PPM1D: variants seen among roughly 807,000 people sequenced by gnomAD.
PPM1D encodes protein phosphatase, Mg2+/Mn2+ dependent 1D.
A neutral mutation model predicts 58.3 loss-of-function variants in PPM1D; 52 were observed. The observed-to-expected ratio is 0.89, with a 90% confidence interval of 0.71 to 1.12. The LOEUF is 1.12. PPM1D is among the 50% of genes most tolerant of loss of function. The pLI, the probability that PPM1D is intolerant of heterozygous loss-of-function variation, is 0.00. For synonymous variants in PPM1D, 278 were observed against 285.1 expected (o/e 0.98, Z 0.25); for missense variants, 564 against 777.2 (o/e 0.73, Z 3.26).
At chr17:60,602,841 G>A (rs1251589266) in intron 1 of PPM1D, among the ~76,000 whole-genome samples, 2 of 149,096 alleles carry the variant, frequency 1.3e-5, no homozygotes, top group Non-Finnish European at 3.0e-5. Flanking sequence ...AGGAAACGAA[G>A]GTTTAAATTT....
chr17:60,642,324 A>T (rs929548821), intron 3 of PPM1D, among the ~76,000 whole-genome samples: 1 of 151,772 alleles, frequency 6.6e-6, no homozygotes, highest in Non-Finnish European at 1.5e-5. Context: ...CTATATAGAG[A>T]TAAAAAATTG....
intron 2 of PPM1D, among the ~76,000 whole-genome samples, chr17:60,628,197 G>A (rs1425787214): frequency 6.6e-6 from 1 of 152,146 alleles, no homozygotes; most frequent in Non-Finnish European, 1.5e-5. Context: ...AAAAATTAAT[G>A]ACTTTAATTT....
At chr17:60,655,685 T>C (rs1233763184) in intron 4 of PPM1D, among the ~76,000 whole-genome samples, 5 of 150,542 alleles carry the variant, frequency 3.3e-5, no homozygotes, top group Non-Finnish European at 5.9e-5. Context: ...CTTTTTCTTT[T>C]CTTTTTTTCT....
chr17:60,627,529 C>T (rs1212560963), intron 2 of PPM1D, among the ~76,000 whole-genome samples: 2 of 151,718 alleles, frequency 1.3e-5, no homozygotes, highest in Non-Finnish European at 2.9e-5. Flanking sequence ...TCAAGCGATT[C>T]TCCTGCCTCA....
rs905647626 is a variant in PPM1D at position 60,600,265 on chromosome 17, A to G, written c.-150A>G. On this transcript the variant is annotated 5_prime_UTR_variant, in exon 1 of 6. Transcript: ENST00000305921. ...CCAGCTCTCGCGGACAAGTCCAGAC[A>G]TCGCGCGCCCCCCCTTCTCCGGGTC... 3.6e-6 allele frequency: 5 copies of G among 1,404,160 alleles called. No homozygotes were observed. The highest frequency in any genetic ancestry group is 5.2e-5 in the East Asian group (2 of 38,562). The allele number at this position is 1,404,160 out of a possible 1,614,324, so 87.0% of individuals were successfully genotyped here. A position where few individuals can be genotyped will look rare whatever the true frequency, so the allele number is the denominator to read the frequency against.
chr17:60,645,688 G>A lies in PPM1D; in HGVS notation c.827-2204G>A, dbSNP rs1212615459. On this transcript the variant is annotated intron_variant, in intron 3 of 5. Coordinates refer to ENST00000305921, the MANE Select transcript of PPM1D (RefSeq NM_003620.4). ...CACACACACATATACATATACATAT[G>A]TAGGTAGGTAGATAGGTATCTCCAG... Among the ~76,000 whole-genome samples the A allele has an allele frequency of 3.5e-5, 5 of 144,688 alleles. No individual in the cohort carries two copies. The East Asian group carries it at 1.0e-3, about 29-fold the overall frequency. 94.9% of individuals were successfully genotyped at this position (144,688 alleles called of 152,430 possible).
intron 4 of PPM1D, among the ~76,000 whole-genome samples, chr17:60,648,795 G>A (rs2031294071): frequency 1.4e-5 from 2 of 138,608 alleles, no homozygotes; most frequent in Admixed American, 7.6e-5. Flanking sequence ...TCAGTGTCTC[G>A]CTCTGTTACC....
Position 60,663,370 on chromosome 17 carries a change from CT to C in PPM1D, c.1637del (p.Leu546ArgfsTer2), listed in dbSNP as rs1382039751. 4 of 1,614,160 alleles carry C rather than the reference CT, an allele frequency of 2.5e-6. No homozygotes were observed. The highest frequency in any genetic ancestry group is 3.4e-6 in the Non-Finnish European group (4 of 1,180,024). ...ATTAGAAGAGTCCAATTCTGGCCCC[CT>C]GATGAAGAAGCATAGACGAAATGGC... ...RTLEESNSGP[L>X]MKKHRRNGLS... On this transcript the variant is annotated frameshift_variant, in exon 6 of 6. Transcript: ENST00000305921. LOFTEE classifies it high-confidence loss of function.
intron 2 of PPM1D, among the ~76,000 whole-genome samples, chr17:60,633,594 G>A (rs1467290992): frequency 6.6e-6 from 1 of 151,338 alleles, no homozygotes; most frequent in African/African-American, 2.4e-5. Flanking sequence ...TTTTGACATG[G>A]TATTTATACT....
In PPM1D at chr17:60,603,537, C is replaced by CG. The variant is rs2030265283; in HGVS notation, c.472+2652dup. On this transcript the variant is annotated intron_variant, in intron 1 of 5. Coordinates refer to ENST00000305921, the MANE Select transcript of PPM1D (RefSeq NM_003620.4). Reference sequence around the variant, plus strand: ...CAGCACTTTGGGACACAAAGGCAGGCGAATCACCTGAGGTCAGGAGTTTGA... The same window carrying CG: ...CAGCACTTTGGGACACAAAGGCAGGCGGAATCACCTGAGGTCAGGAGTTTGA... Among the ~76,000 whole-genome samples, 3 of 152,202 alleles carry CG rather than the reference C, an allele frequency of 2.0e-5. No homozygotes were observed. In the South Asian group the frequency reaches 6.2e-4, roughly 32 times the overall value.
intron 4 of PPM1D, among the ~76,000 whole-genome samples, chr17:60,651,401 G>GTTT (rs1218606024): frequency 3.6e-5 from 5 of 139,116 alleles, no homozygotes; most frequent in African/African-American, 1.3e-4. Context: ...AGTGTTTTTG[G>GTTT]TTTTTTTTTT....
chr17:60,638,910 T>A (rs983035155), intron 3 of PPM1D, among the ~76,000 whole-genome samples: 2 of 152,174 alleles, frequency 1.3e-5, no homozygotes, highest in Non-Finnish European at 2.9e-5. Flanking sequence ...AGTACAAATG[T>A]AGCAAAGGTG....
rs951967672 is a variant in PPM1D, at chr17:60,665,947, C to T, written c.*2395C>T. 2 of 152,220 alleles carry T rather than the reference C, an allele frequency of 1.3e-5. No individual in the cohort carries two copies. Among genetic ancestry groups the T allele is most frequent in the Non-Finnish European group, 2.9e-5 (2 of 68,046 alleles). 9.4% of individuals were successfully genotyped at this position (152,220 alleles called of 1,614,324 possible). On this transcript the variant is annotated 3_prime_UTR_variant, in exon 6 of 6. Transcript: ENST00000305921. Reference sequence around the variant, plus strand: ...GCCATGATGTTTTTTGTAACCTAGCCTCTGAAAGTGTCATACCAATTCTGT... The same window carrying T: ...GCCATGATGTTTTTTGTAACCTAGCTTCTGAAAGTGTCATACCAATTCTGT...
chr17:60,610,314 ATTC>A (rs2030429058), intron 1 of PPM1D, among the ~76,000 whole-genome samples: 1 of 151,980 alleles, frequency 6.6e-6, no homozygotes, highest in Non-Finnish European at 1.5e-5. Context: ...GTACTACTCT[ATTC>A]TTCTGGGTCT....
chr17:60,610,686 A>G (rs1363381538), intron 1 of PPM1D, among the ~76,000 whole-genome samples: 1 of 152,204 alleles, frequency 6.6e-6, no homozygotes, highest in African/African-American at 2.4e-5. Flanking sequence ...TCACACTTCA[A>G]CAGCAGAGTT....
chr17:60,654,012 C>G (rs1201662284), intron 4 of PPM1D, among the ~76,000 whole-genome samples: 1 of 151,996 alleles, frequency 6.6e-6, no homozygotes. Flanking sequence ...TTTGGTTACC[C>G]TTTATTTCTT....
chr17:60,609,240 C>T (rs1040646126), intron 1 of PPM1D, among the ~76,000 whole-genome samples: 6 of 151,988 alleles, frequency 3.9e-5, no homozygotes, highest in African/African-American at 9.7e-5. Flanking sequence ...ATTACAGGCG[C>T]GCACTACCAC....
intron 1 of PPM1D, among the ~76,000 whole-genome samples, chr17:60,620,012 G>A (rs998674294): frequency 6.7e-6 from 1 of 148,994 alleles, no homozygotes; most frequent in Non-Finnish European, 1.5e-5. Flanking sequence ...GTTTTGTTTT[G>A]TTTTGAGACA....
Position 60,623,609 on chromosome 17 carries a change from A to G in PPM1D, c.561A>G (p.Val187=), listed in dbSNP as rs955525219. 2.5e-6 allele frequency: 4 copies of G among 1,614,218 alleles called. No individual in the cohort carries two copies. The highest frequency in any genetic ancestry group is 3.4e-6 in the Non-Finnish European group (4 of 1,180,042). ...VVIIRGMKMY[V]AHVGDSGVVL... ...TCATTCGGGGCATGAAGATGTATGTAGCTCACGTAGGTGACTCAGGGGTGG... is the reference window on the plus strand; with the variant it reads ...TCATTCGGGGCATGAAGATGTATGTGGCTCACGTAGGTGACTCAGGGGTGG... Residue 187 remains valine (V), a synonymous_variant, in exon 2 of 6, where the codon GTA becomes GTG. Coordinates refer to ENST00000305921, the MANE Select transcript of PPM1D (RefSeq NM_003620.4).
Sources: gnomAD v4.1 joint callset for allele counts (sites outside exome capture counted in the v4.1 genomes callset) on GRCh38, gnomAD v4.1.1 for gene constraint, MANE v1.5 for transcripts, NCBI Gene and HGNC (gene_info 2026-07-23, HGNC 2026-07-21) for gene names.